The following NRCAM variants were observed in gnomAD, a reference collection of about 807,000 sequenced individuals.
The protein encoded by NRCAM is neuronal cell adhesion molecule.
NRCAM carries 83 observed loss-of-function variants against 156.5 expected under a neutral mutation model. That is an observed-to-expected ratio of 0.53 (90% CI 0.44 to 0.64). NRCAM has a LOEUF of 0.64. NRCAM is among the 30% of genes least tolerant of loss of function. NRCAM has a pLI of 0.00. For missense variants in NRCAM, 1,417 were observed against 1,597.3 expected (o/e 0.89, Z 1.92); for synonymous variants, 538 against 563.9 (o/e 0.95, Z 0.65).
At chr7:108,433,571 T>C (rs1241167003) in intron 1 of NRCAM, among the ~76,000 whole-genome samples, 1 of 152,224 alleles carries the variant, frequency 6.6e-6, no homozygotes, top group Non-Finnish European at 1.5e-5. Context: ...GTGAATTGGC[T>C]AATGCTCTCC....
At chr7:108,173,836 T>C (rs747359970) in intron 28 of NRCAM, among the ~76,000 whole-genome samples, 3 of 152,170 alleles carry the variant, frequency 2.0e-5, no homozygotes, top group Non-Finnish European at 2.9e-5. Flanking sequence ...TCTTTAAATA[T>C]AGAATTTAGT....
rs544559224 is a variant in NRCAM at position 108,159,328 on chromosome 7, T to C, written c.3677+135A>G. ...ACCATGAGGGACATGTAAACACTGA[T>C]ACATGGAAGTATCCCTAAACTTCTA... On this transcript the variant is annotated intron_variant, in intron 32 of 32. Coordinates refer to ENST00000379028, the MANE Select transcript of NRCAM (RefSeq NM_001037132.4). 5.4e-5 allele frequency: 43 copies of C among 790,740 alleles called. 1 individual carries two copies. The highest frequency in any genetic ancestry group is 5.0e-4 in the South Asian group (35 of 70,370). 49.0% of individuals were successfully genotyped at this position (790,740 alleles called of 1,614,324 possible). A position where few individuals can be genotyped will look rare whatever the true frequency, so the allele number is the denominator to read the frequency against.
At chr7:108,441,238 A>G (rs767707123) in intron 1 of NRCAM, among the ~76,000 whole-genome samples, 4 of 152,212 alleles carry the variant, frequency 2.6e-5, no homozygotes, top group South Asian at 4.1e-4. Context: ...TTATCTTACT[A>G]TGTAACACTT....
rs1041605888 is a variant in NRCAM at position 108,415,531 on chromosome 7, A to G, written c.-331-15938T>C. ...GGCAGGAAAGAAGCATGATAAAAAGAGATAATAAATGCTTCTTGATTAAAT... is the reference window on the plus strand; with the variant it reads ...GGCAGGAAAGAAGCATGATAAAAAGGGATAATAAATGCTTCTTGATTAAAT... On this transcript the variant is annotated intron_variant, in intron 1 of 32. Transcript: ENST00000379028. Among the ~76,000 whole-genome samples the G allele has an allele frequency of 2.6e-5, 4 of 152,318 alleles. No individual in the cohort carries two copies. In the South Asian group the frequency reaches 8.3e-4, roughly 32 times the overall value.
At chr7:108,381,721 G>T (rs35669142) in intron 2 of NRCAM, among the ~76,000 whole-genome samples, 3 of 151,556 alleles carry the variant, frequency 2.0e-5, no homozygotes, top group Admixed American at 6.6e-5. Flanking sequence ...CACCATGCCC[G>T]GCTAATTTTT....
At chr7:108,284,211 C>G (rs2097980530) in intron 3 of NRCAM, among the ~76,000 whole-genome samples, 1 of 152,170 alleles carries the variant, frequency 6.6e-6, no homozygotes, top group Non-Finnish European at 1.5e-5. Flanking sequence ...CTATAAACAT[C>G]TGATGTTTGA....
At chr7:108,276,956 C>T (rs1382527596) in intron 3 of NRCAM, among the ~76,000 whole-genome samples, 5 of 152,118 alleles carry the variant, frequency 3.3e-5, no homozygotes, top group Non-Finnish European at 7.4e-5. Flanking sequence ...TCAGCATTTG[C>T]TTGTCTGTAA....
chr7:108,207,755 T>C, intron 12 of NRCAM, 96 bp from the exon 13 acceptor site: 1 of 964,722 alleles, frequency 1.0e-6, no homozygotes, highest in Non-Finnish European at 1.5e-6. Flanking sequence ...AAGCAAGTAC[T>C]TCACACTAAA....
At chr7:108,156,890 G>A (rs73725365) in intron 32 of NRCAM, among the ~76,000 whole-genome samples, 2,045 of 152,150 alleles carry the variant, frequency 0.013, 39 homozygotes, top group African/African-American at 0.047. Flanking sequence ...AGTTGGAACT[G>A]TTTTCATTAA....
intron 1 of NRCAM, among the ~76,000 whole-genome samples, chr7:108,433,232 C>T (rs995240288): frequency 3.9e-5 from 6 of 152,046 alleles, no homozygotes; most frequent in Admixed American, 1.3e-4. Context: ...TGAGATTGCA[C>T]GCCCCCACCC....
intron 14 of NRCAM, among the ~76,000 whole-genome samples, chr7:108,196,098 T>C (rs529526976): frequency 5.9e-5 from 9 of 152,338 alleles, no homozygotes; most frequent in Admixed American, 5.2e-4. Context: ...GACATCATTT[T>C]GGTTGTTGAT....
Position 108,223,681 on chromosome 7 carries a change from A to C in NRCAM, c.890+44T>G, listed in dbSNP as rs759054366. On this transcript the variant is annotated intron_variant, in intron 11 of 32. Coordinates refer to ENST00000379028, the MANE Select transcript of NRCAM (RefSeq NM_001037132.4). Reference sequence around the variant, plus strand: ...TAACCTCTCTCTACCAACCTACTATATTTTTATAAGAAATGTACTTCAGGA... The same window carrying C: ...TAACCTCTCTCTACCAACCTACTATCTTTTTATAAGAAATGTACTTCAGGA... 2.8e-4 allele frequency: 276 copies of C among 994,440 alleles called. 1 individual carries two copies. The highest frequency in any genetic ancestry group is 1.6e-5 in the Non-Finnish European group (10 of 629,206). 61.6% of individuals were successfully genotyped at this position (994,440 alleles called of 1,614,324 possible). A position where few individuals can be genotyped will look rare whatever the true frequency, so the allele number is the denominator to read the frequency against.
At chr7:108,384,091 C>A (rs1463662713) in intron 2 of NRCAM, among the ~76,000 whole-genome samples, 1 of 152,068 alleles carries the variant, frequency 6.6e-6, no homozygotes, top group Non-Finnish European at 1.5e-5. Flanking sequence ...ACACTGGGGT[C>A]TACTTGATCT....
At chr7:108,404,234 G>A (rs1275179284) in intron 1 of NRCAM, among the ~76,000 whole-genome samples, 1 of 117,198 alleles carries the variant, frequency 8.5e-6, no homozygotes, top group Non-Finnish European at 1.8e-5. Flanking sequence ...TGACCATTGA[G>A]AGGCCTTTCT....
chr7:108,318,215 T>G (rs906777014), intron 2 of NRCAM, among the ~76,000 whole-genome samples: 1 of 151,494 alleles, frequency 6.6e-6, no homozygotes, highest in South Asian at 2.1e-4. Context: ...CCGGCTAATT[T>G]TTTGCATTTT....
At chr7:108,231,179 A>G in intron 7 of NRCAM, 26 bp from the exon 8 acceptor site, 1 of 1,541,484 alleles carries the variant, frequency 6.5e-7, no homozygotes. Context: ...ATAACTTCTC[A>G]GTTATTTCTG....
intron 1 of NRCAM, among the ~76,000 whole-genome samples, chr7:108,426,147 T>G (rs1316199845): frequency 6.6e-6 from 1 of 152,258 alleles, no homozygotes; most frequent in East Asian, 1.9e-4. Flanking sequence ...GCTACATCTC[T>G]GTCATCAGAA....
intron 2 of NRCAM, among the ~76,000 whole-genome samples, chr7:108,381,910 G>C (rs1417353637): frequency 6.6e-6 from 1 of 151,990 alleles, no homozygotes; most frequent in Non-Finnish European, 1.5e-5. Flanking sequence ...TCCTATCTAG[G>C]GCAGACAGGT....
At chr7:108,353,626 T>C (rs2099447636) in intron 2 of NRCAM, among the ~76,000 whole-genome samples, 1 of 152,216 alleles carries the variant, frequency 6.6e-6, no homozygotes. Flanking sequence ...TGGCCTTCCA[T>C]TTTCTTCTGT....
Sources: gnomAD v4.1 joint callset for allele counts (sites outside exome capture counted in the v4.1 genomes callset) on GRCh38, gnomAD v4.1.1 for gene constraint, MANE v1.5 for transcripts, NCBI Gene and HGNC (gene_info 2026-07-23, HGNC 2026-07-21) for gene names.